NXPH1: variants seen among roughly 807,000 people sequenced by gnomAD.
NXPH1 encodes neurexophilin 1.
In NXPH1, 5 loss-of-function variants were observed where a neutral mutation model predicts 23.7. The ratio of observed to expected loss-of-function variants is 0.21; its 90% CI spans 0.11 to 0.44. NXPH1 has a LOEUF of 0.44. Among genes scored for constraint, NXPH1 ranks in the 20% least tolerant of loss-of-function variants. The pLI is 0.99. For synonymous variants in NXPH1, 144 were observed against 122.2 expected (o/e 1.18, Z -1.18); for missense variants, 324 against 321.6 (o/e 1.01, Z -0.06).
chr7:8,637,260 T>C (rs753599305), intron 2 of NXPH1, among the ~76,000 whole-genome samples: 10 of 152,026 alleles, frequency 6.6e-5, no homozygotes, highest in Non-Finnish European at 1.2e-4. Flanking sequence ...CCTGGCTTTT[T>C]AAACCAGACT....
rs185798970 is a variant in NXPH1, at chr7:8,647,779, G to T, written c.55-103229G>T. ...CTGATTCAATTTTCTTAACCATTCG[G>T]TTTTTTTTTTTTAACTAAGTTTGGT... is the stretch of plus-strand genomic sequence containing the variant. On this transcript the variant is annotated intron_variant, in intron 2 of 2. Transcript: ENST00000405863. 4.5e-3 allele frequency among the ~76,000 whole-genome samples: 631 copies of T among 139,294 alleles called. 8 individuals carry two copies. The highest frequency in any genetic ancestry group is 0.015 in the African/African-American group (590 of 38,340). The allele number at this position is 139,294 out of a possible 152,430, so 91.4% of individuals were successfully genotyped here. A position where few individuals can be genotyped will look rare whatever the true frequency, so the allele number is the denominator to read the frequency against.
chr7:8,612,480 C>T (rs1332727909), intron 2 of NXPH1, among the ~76,000 whole-genome samples: 1 of 151,922 alleles, frequency 6.6e-6, no homozygotes, highest in East Asian at 1.9e-4. Flanking sequence ...CATTCCAATG[C>T]TATTACATTA....
intron 2 of NXPH1, among the ~76,000 whole-genome samples, chr7:8,636,503 T>A (rs1035882833): frequency 6.6e-6 from 1 of 152,190 alleles, no homozygotes; most frequent in African/African-American, 2.4e-5. Context: ...TAAAACTTTC[T>A]GTGAGAACTT....
chr7:8,673,483 G>A (rs1417430765), intron 2 of NXPH1, among the ~76,000 whole-genome samples: 1 of 152,164 alleles, frequency 6.6e-6, no homozygotes, highest in Non-Finnish European at 1.5e-5. Flanking sequence ...GTGAAAGCAT[G>A]TGATATTTTC....
chr7:8,678,229 TA>T lies in NXPH1; in HGVS notation c.55-72778del, dbSNP rs1820984118. 2.0e-5 allele frequency among the ~76,000 whole-genome samples: 3 copies of T among 152,268 alleles called. No individual in the cohort carries two copies. The South Asian group carries it at 6.2e-4, about 32-fold the overall frequency. ...CAAGGGTCTACAAAACTCACCAAGTTATGGGTTCAGAAGCAGGTTATGCCAG... is the reference window on the plus strand; with the variant it reads ...CAAGGGTCTACAAAACTCACCAAGTTTGGGTTCAGAAGCAGGTTATGCCAG... On this transcript the variant is annotated intron_variant, in intron 2 of 2. Transcript: ENST00000405863.
rs73237646 is a variant in NXPH1 at position 8,610,534 on chromosome 7, T to C, written c.55-140474T>C. Among the ~76,000 whole-genome samples, 329 of 152,170 alleles carry C rather than the reference T, an allele frequency of 2.2e-3. 1 individual carries two copies. The highest frequency in any genetic ancestry group is 7.5e-3 in the African/African-American group (313 of 41,542). ...ATTGATCACATGTAGTAAGGAATAA[T>C]AGGATACACAAAAAGTACCACATAG... On this transcript the variant is annotated intron_variant, in intron 2 of 2. Coordinates refer to ENST00000405863, the MANE Select transcript of NXPH1 (RefSeq NM_152745.3).
At chr7:8,483,655 A>T (rs1007033480) in intron 2 of NXPH1, among the ~76,000 whole-genome samples, 4 of 152,170 alleles carry the variant, frequency 2.6e-5, no homozygotes, top group Non-Finnish European at 5.9e-5. Context: ...GATATGAGAC[A>T]TATAAAAGAG....
In NXPH1 at chr7:8,751,080, A is replaced by C. The variant is rs746643752; in HGVS notation, c.127A>C (p.Lys43Gln). The change falls in exon 3 of 3, where the codon AAG becomes CAG. Residue 43 changes from lysine (K) to glutamine (Q), a missense_variant. Transcript: ENST00000405863. This position sits in a 1 kb window ranked among gnomAD's most constrained non-coding sequence, Gnocchi z 4.5. ...LKSGSSKSTL[K>Q]HIWTESSKDL... ...ATCAGGAAGCAGCAAATCCACACTA[A>C]AGCACATATGGACAGAAAGCAGCAA... The C allele has an allele frequency of 1.1e-5, 18 of 1,613,850 alleles. No individual in the cohort carries two copies. In the Middle Eastern group the frequency reaches 1.5e-3, roughly 133 times the overall value.
At chr7:8,641,357 A>G (rs971681287) in intron 2 of NXPH1, among the ~76,000 whole-genome samples, 1 of 149,304 alleles carries the variant, frequency 6.7e-6, no homozygotes, top group Admixed American at 6.7e-5. Context: ...TCTCTTCCCA[A>G]CTCTGTGTTC....
intron 2 of NXPH1, among the ~76,000 whole-genome samples, chr7:8,538,596 A>C (rs1206273304): frequency 6.6e-6 from 1 of 151,938 alleles, no homozygotes; most frequent in African/African-American, 2.4e-5. Flanking sequence ...GGCATGAATA[A>C]GGTCAATAAA....
intron 2 of NXPH1, among the ~76,000 whole-genome samples, chr7:8,476,643 A>C (rs150534992): frequency 1.3e-5 from 2 of 152,192 alleles, no homozygotes; most frequent in African/African-American, 4.8e-5. Context: ...AATGCTATAC[A>C]TTATTTATTT....
At position 8,693,689 on chromosome 7, in the gene NXPH1, T is replaced by C. The variant is rs115888504; in HGVS notation, c.55-57319T>C. On this transcript the variant is annotated intron_variant, in intron 2 of 2. Transcript: ENST00000405863. ...AAATATTTTTTCCTTTGTTATTTTCTTTTCTTCAAGTCTTGTATATTATTA... is the reference window on the plus strand; with the variant it reads ...AAATATTTTTTCCTTTGTTATTTTCCTTTCTTCAAGTCTTGTATATTATTA... 9.1e-3 allele frequency among the ~76,000 whole-genome samples: 1,387 copies of C among 152,334 alleles called. 13 individuals are homozygous for C. Among genetic ancestry groups the C allele is most frequent in the African/African-American group, 0.031 (1,294 of 41,574 alleles).
chr7:8,747,756 A>G (rs1243403657), intron 2 of NXPH1, among the ~76,000 whole-genome samples: 1 of 148,524 alleles, frequency 6.7e-6, no homozygotes, highest in Admixed American at 6.6e-5. Flanking sequence ...AATCAATTAG[A>G]TTTTATTCAC....
In NXPH1 at chr7:8,730,793, T is replaced by C. The variant is rs547172844; in HGVS notation, c.55-20215T>C. On this transcript the variant is annotated intron_variant, in intron 2 of 2. Transcript: ENST00000405863. Reference sequence around the variant, plus strand: ...TTAACATTTTTTCCTGCATTTCAACTTTGGTGAATCTGACAATTATGTGTC... The same window carrying C: ...TTAACATTTTTTCCTGCATTTCAACCTTGGTGAATCTGACAATTATGTGTC... Among the ~76,000 whole-genome samples, 1,070 of 150,670 alleles carry C rather than the reference T, an allele frequency of 7.1e-3. 11 individuals are homozygous for C. Among genetic ancestry groups the C allele is most frequent in the African/African-American group, 0.024 (981 of 40,806 alleles).
In NXPH1 at chr7:8,751,276, C is replaced by G; in HGVS notation, c.323C>G (p.Pro108Arg). 6.2e-7 allele frequency: 1 copy of G among 1,613,850 alleles called. No individual in the cohort carries two copies. Among genetic ancestry groups the G allele is most frequent in the Non-Finnish European group, 8.5e-7 (1 of 1,179,842 alleles). The change falls in exon 3 of 3, where the codon CCC becomes CGC. Residue 108 changes from proline (P) to arginine (R), a missense_variant. Transcript: ENST00000405863. The surrounding 1 kb of genome is among the most constrained non-coding windows in gnomAD (Gnocchi z 4.5). ...CCTCGGCCCAGGGCCAAGAGAAGGC[C>G]CATTGTTAAAACGGGCAAGTTTAAG... ...QEPRPRAKRRPIVKTGKFKKM... is the reference protein window; with the variant it reads ...QEPRPRAKRRRIVKTGKFKKM...
chr7:8,501,135 C>G (rs911804364), intron 2 of NXPH1, among the ~76,000 whole-genome samples: 1 of 152,058 alleles, frequency 6.6e-6, no homozygotes, highest in Admixed American at 6.6e-5. Flanking sequence ...TATCAGCTGT[C>G]ACAGATACGA....
chr7:8,739,835 A>G (rs1344824470), intron 2 of NXPH1, among the ~76,000 whole-genome samples: 1 of 152,166 alleles, frequency 6.6e-6, no homozygotes, highest in Non-Finnish European at 1.5e-5. Flanking sequence ...AAACATTTTT[A>G]AAAATGAAGA....
At chr7:8,737,652 G>A (rs942272081) in intron 2 of NXPH1, among the ~76,000 whole-genome samples, 2 of 152,164 alleles carry the variant, frequency 1.3e-5, no homozygotes, top group Non-Finnish European at 2.9e-5. Context: ...GGCATTCTCT[G>A]TATTTCGTGG....
intron 2 of NXPH1, among the ~76,000 whole-genome samples, chr7:8,456,192 C>A (rs1816591615): frequency 1.3e-5 from 2 of 152,110 alleles, no homozygotes; most frequent in African/African-American, 4.8e-5. Context: ...TACTGCTTCC[C>A]CATCTACATA....
Sources: gnomAD v4.1 joint callset for allele counts (sites outside exome capture counted in the v4.1 genomes callset) on GRCh38, gnomAD v4.1.1 for gene constraint, Gnocchi (gnomAD v3.1) non-coding constraint, MANE v1.5 for transcripts, NCBI Gene and HGNC (gene_info 2026-07-23, HGNC 2026-07-21) for gene names.